MYO16: variants seen among roughly 807,000 people sequenced by gnomAD.
MYO16 encodes the protein myosin XVI.
In MYO16, 94 loss-of-function variants were observed where a neutral mutation model predicts 205.3. The ratio of observed to expected loss-of-function variants is 0.46; its 90% confidence interval spans 0.39 to 0.54. MYO16 has a LOEUF of 0.54. Among genes scored for constraint, MYO16 ranks in the 20% least tolerant of loss-of-function variants. The pLI is 0.00. For synonymous variants in MYO16, 988 were observed against 954.0 expected (o/e 1.04, Z -0.66); for missense variants, 2,315 against 2,387.5 (o/e 0.97, Z 0.63).
At chr13:109,053,019 G>T (rs1469790639) in intron 25 of MYO16, among the ~76,000 whole-genome samples, 1 of 152,068 alleles carries the variant, frequency 6.6e-6, no homozygotes, top group African/African-American at 2.4e-5. Flanking sequence ...AAGATTCTAT[G>T]TGCCAAAAGA....
At chr13:108,573,165 T>C in the MYO16 span, among the ~76,000 whole-genome samples, 33 of 152,304 alleles carry the variant, frequency 2.2e-4, no homozygotes, top group African/African-American at 7.9e-4. Context: ...CTGTACTTGT[T>C]GAAGCAGAGG....
chr13:108,904,837 T>C (rs1222402841), intron 15 of MYO16, among the ~76,000 whole-genome samples: 1 of 152,190 alleles, frequency 6.6e-6, no homozygotes, highest in Non-Finnish European at 1.5e-5. Context: ...ATGACAATTC[T>C]TTCTCTTCTA....
In MYO16 at chr13:108,668,007, C is replaced by T. The variant is rs9634467; in HGVS notation, c.292+1858C>T. Among the ~76,000 whole-genome samples, 19 of 152,252 alleles carry T rather than the reference C, an allele frequency of 1.2e-4. No homozygotes were observed. The East Asian group carries it at 3.7e-3, about 29-fold the overall frequency. On this transcript the variant is annotated intron_variant, in intron 2 of 34. Coordinates refer to ENST00000457511, the MANE Select transcript of MYO16 (RefSeq NM_001198950.3). Reference sequence around the variant, plus strand: ...TGAGCCATGATGGTGACCTGCACTCCAATCTGTGCAACAGAGCAAGACCCT... The same window carrying T: ...TGAGCCATGATGGTGACCTGCACTCTAATCTGTGCAACAGAGCAAGACCCT...
chr13:108,908,495 CTTTAGAATAATTCTTAGCAAA>C, intron 15 of MYO16, among the ~76,000 whole-genome samples: 2 of 152,210 alleles, frequency 1.3e-5, no homozygotes, highest in East Asian at 3.9e-4. Context: ...TAGTGCTGGA[CTTTAGAATAATTCTTAGCAAA>C]TTCATTACAT....
chr13:109,093,435 G>T (rs978283033), intron 27 of MYO16, among the ~76,000 whole-genome samples: 1 of 152,178 alleles, frequency 6.6e-6, no homozygotes, highest in Admixed American at 6.5e-5. Context: ...TTGGCAACCA[G>T]CAAGGTAATA....
chr13:108,625,404 A>G (rs1879697082), upstream of MYO16, among the ~76,000 whole-genome samples: 1 of 152,166 alleles, frequency 6.6e-6, no homozygotes, highest in Admixed American at 6.6e-5. Flanking sequence ...CCAGAGGCTG[A>G]TTCTATAGCA....
At chr13:108,822,814 A>C (rs1594321030) in intron 8 of MYO16, among the ~76,000 whole-genome samples, 1 of 152,188 alleles carries the variant, frequency 6.6e-6, no homozygotes, top group East Asian at 1.9e-4. Context: ...AGTTTTACTG[A>C]AAATGAAATG....
chr13:108,971,658 G>T (rs537144691), intron 20 of MYO16, among the ~76,000 whole-genome samples: 2 of 151,696 alleles, frequency 1.3e-5, no homozygotes, highest in East Asian at 1.9e-4. Context: ...TAAGCCTTTG[G>T]TTTCTTATGA....
At chr13:108,734,972 G>A (rs1884642041) in intron 4 of MYO16, among the ~76,000 whole-genome samples, 1 of 152,148 alleles carries the variant, frequency 6.6e-6, no homozygotes, top group African/African-American at 2.4e-5. Flanking sequence ...ACACATGGTA[G>A]GAGAAAGGTA....
intron 1 of MYO16, among the ~76,000 whole-genome samples, chr13:108,615,425 G>A (rs1332963434): frequency 4.6e-5 from 7 of 152,046 alleles, no homozygotes; most frequent in Non-Finnish European, 1.0e-4. Flanking sequence ...GTGTTATCAC[G>A]TGATCCAGAA....
chr13:108,680,057 A>G (rs1460928353), intron 2 of MYO16, among the ~76,000 whole-genome samples: 1 of 152,182 alleles, frequency 6.6e-6, no homozygotes, highest in Non-Finnish European at 1.5e-5. Flanking sequence ...CTCTGAACCT[A>G]GAGCACTTCT....
intron 32 of MYO16, among the ~76,000 whole-genome samples, chr13:109,160,310 A>T (rs1878317748): frequency 6.6e-6 from 1 of 152,230 alleles, no homozygotes; most frequent in South Asian, 2.1e-4. Context: ...CAACATTTAG[A>T]GATTTGCTCT....
At chr13:109,118,650 T>C (rs1875839532) in intron 28 of MYO16, among the ~76,000 whole-genome samples, 1 of 152,144 alleles carries the variant, frequency 6.6e-6, no homozygotes, top group African/African-American at 2.4e-5. Context: ...CATCCCACAA[T>C]CAATGATGAA....
chr13:109,054,263 T>C, intron 25 of MYO16: 1 of 356,886 alleles, frequency 2.8e-6, no homozygotes, highest in South Asian at 2.1e-5. Context: ...TGCACATATT[T>C]GCTTATTTGA....
chr13:108,875,067 C>A (rs1879261610), intron 12 of MYO16, among the ~76,000 whole-genome samples: 1 of 152,132 alleles, frequency 6.6e-6, no homozygotes, highest in African/African-American at 2.4e-5. Flanking sequence ...AAAGGAGGGA[C>A]TTTATCCATT....
At chr13:108,607,441 T>C (rs1408309888) in intron 1 of MYO16, among the ~76,000 whole-genome samples, 1 of 152,134 alleles carries the variant, frequency 6.6e-6, no homozygotes, top group Admixed American at 6.6e-5. Flanking sequence ...GAGTGAATTA[T>C]GAGATCTGAT....
At chr13:109,027,240 C>A (rs1203045858) in intron 23 of MYO16, among the ~76,000 whole-genome samples, 1 of 152,162 alleles carries the variant, frequency 6.6e-6, no homozygotes, top group African/African-American at 2.4e-5. Context: ...CATCACATGG[C>A]CCTGTCCCTC....
intron 6 of MYO16, among the ~76,000 whole-genome samples, chr13:108,798,465 T>G (rs1030371378): frequency 6.6e-6 from 1 of 152,114 alleles, no homozygotes; most frequent in Non-Finnish European, 1.5e-5. Context: ...AAAAGGGATC[T>G]TTTAGTTTAC....
At chr13:108,860,140 AT>A (rs906593622) in intron 11 of MYO16, among the ~76,000 whole-genome samples, 14 of 148,496 alleles carry the variant, frequency 9.4e-5, no homozygotes, top group African/African-American at 3.4e-4. Flanking sequence ...CAATAGTTAT[AT>A]TTTCTGCTCC....
Sources: allele counts gnomAD v4.1 joint callset (sites outside exome capture counted in the v4.1 genomes callset), GRCh38; gene constraint gnomAD v4.1.1; transcripts MANE v1.5; gene names NCBI Gene and HGNC (gene_info 2026-07-23, HGNC 2026-07-21).